The following DOLPP1 variants were observed in gnomAD, a reference collection of about 807,000 sequenced individuals.
DOLPP1 encodes the protein dolichyl pyrophosphate phosphatase 1.
A neutral mutation model predicts 34.1 loss-of-function variants in DOLPP1; 15 were observed. The ratio of observed to expected loss-of-function variants is 0.44; its 90% CI spans 0.29 to 0.68. The LOEUF (loss-of-function observed/expected upper bound fraction) is 0.68, where lower values mean the gene tolerates loss of function less well. Ranked by LOEUF, DOLPP1 falls within the 30% of genes least tolerant of loss-of-function variation. The pLI is 0.12. For synonymous variants in DOLPP1, 130 were observed against 128.2 expected, an observed-to-expected ratio of 1.01 and a Z score of -0.10; for missense variants, 249 against 307.1, an observed-to-expected ratio of 0.81 and a Z score of 1.41.
Position 129,089,321 on chromosome 9 carries a change from C to T in DOLPP1, c.*314C>T, listed in dbSNP as rs1847052676. 2.2e-5 allele frequency: 7 copies of T among 315,150 alleles called. No individual in the cohort carries two copies. The South Asian group carries it at 2.3e-4, about 10-fold the overall frequency. The allele number at this position is 315,150 out of a possible 1,614,324, so 19.5% of individuals were successfully genotyped here. A position where few individuals can be genotyped will look rare whatever the true frequency, so the allele number is the denominator to read the frequency against. Reference sequence around the variant, plus strand: ...GGGTGTGGGGTGGAGGAGGAGGGCTCGCGCCTCTGGTCTCGGGGCCAGGAA... The same window carrying T: ...GGGTGTGGGGTGGAGGAGGAGGGCTTGCGCCTCTGGTCTCGGGGCCAGGAA... On this transcript the variant is annotated 3_prime_UTR_variant, in exon 8 of 8. Coordinates refer to ENST00000372546, the MANE Select transcript of DOLPP1 (RefSeq NM_020438.5). This position sits in a 1 kb window ranked among gnomAD's most constrained non-coding sequence, Gnocchi z 4.9.
At chr9:129,082,974 G>A (rs1846918408) in intron 1 of DOLPP1, among the ~76,000 whole-genome samples, 1 of 152,190 alleles carries the variant, frequency 6.6e-6, no homozygotes, top group Non-Finnish European at 1.5e-5. Flanking sequence ...ACTGTGGTGG[G>A]TTCTTAGTTG....
intron 1 of DOLPP1, 146 bp from the exon 2 acceptor site, chr9:129,084,522 G>A (rs1053904882): frequency 1.7e-5 from 12 of 723,448 alleles, no homozygotes; most frequent in South Asian, 6.1e-5. Flanking sequence ...ACAATCGGCC[G>A]GTAAACAGGT....
Position 129,085,101 on chromosome 9 carries a change from T to A in DOLPP1, c.256T>A (p.Cys86Ser). The A allele has an allele frequency of 6.3e-7, 1 of 1,599,348 alleles. No homozygotes were observed. Among genetic ancestry groups the A allele is most frequent in the Non-Finnish European group, 8.5e-7 (1 of 1,172,432 alleles). ...IKNVIQEPRP[C>S]GGPHTAVGTK... ...AAACGTCATCCAGGAGCCACGGCCC[T>A]GTGGAGGTAGGGCCTCAGCTGCGAG... The change falls in exon 3 of 8, where the codon TGT becomes AGT. Residue 86 changes from cysteine (C) to serine (S), a missense_variant. Cys to Ser is a moderately radical substitution (Grantham distance 112). Coordinates refer to ENST00000372546, the MANE Select transcript of DOLPP1 (RefSeq NM_020438.5). This position sits in a 1 kb window ranked among gnomAD's most constrained non-coding sequence, Gnocchi z 7.0.
chr9:129,087,441 G>C (rs1162575792), intron 7 of DOLPP1, among the ~76,000 whole-genome samples: 2 of 150,468 alleles, frequency 1.3e-5, no homozygotes, highest in South Asian at 4.2e-4. Flanking sequence ...TCAGCCTCCC[G>C]AGTAGCTGGG....
At chr9:129,088,903 G>A in intron 7 of DOLPP1, 68 bp from the exon 8 acceptor site, 1 of 1,528,014 alleles carries the variant, frequency 6.5e-7, no homozygotes, top group Non-Finnish European at 9.0e-7. Flanking sequence ...ACTACGGGTG[G>A]GGTGGGGACA....
chr9:129,081,281 G>A lies in DOLPP1; in HGVS notation c.76+74G>A, dbSNP rs570734627. 1.3e-5 allele frequency: 21 copies of A among 1,566,350 alleles called. No homozygotes were observed. The South Asian group carries it at 2.4e-4, about 18-fold the overall frequency. On this transcript the variant is annotated intron_variant, in intron 1 of 7. Transcript: ENST00000372546. Reference sequence around the variant, plus strand: ...CAGTCCCGGGCGCTCCGGCCTGCTCGAGCCCGCGGAGGGGGCGCCGGGGGA... The same window carrying A: ...CAGTCCCGGGCGCTCCGGCCTGCTCAAGCCCGCGGAGGGGGCGCCGGGGGA...
At position 129,084,733 on chromosome 9, in the gene DOLPP1, G is replaced by A. The variant is rs370048908; in HGVS notation, c.142G>A (p.Val48Met). 1.9e-5 allele frequency: 30 copies of A among 1,613,732 alleles called. No homozygotes were observed. Among genetic ancestry groups the A allele is most frequent in the African/African-American group, 1.5e-4 (11 of 74,896 alleles). ...CCCTGTATTTGTCATCGTCGGTTTC[G>A]TGACCCTCATCATATTTAAGCGGGA... Reference protein sequence around the residue: ...LSPVFVIVGFVTLIIFKRELH... With the variant: ...LSPVFVIVGFMTLIIFKRELH... The change falls in exon 2 of 8, where the codon GTG (valine) becomes ATG (methionine). Residue 48 changes from valine (V) to methionine (M), a missense_variant. By Grantham distance (21) the Val-to-Met change is conservative. Transcript: ENST00000372546.
At chr9:129,086,596 C>A in intron 6 of DOLPP1, 113 bp from the exon 7 acceptor site, 1 of 1,131,616 alleles carries the variant, frequency 8.8e-7, no homozygotes, top group Non-Finnish European at 1.3e-6. Flanking sequence ...GGCAAAGACT[C>A]TAGGCAGTCG....
intron 1 of DOLPP1, among the ~76,000 whole-genome samples, chr9:129,082,696 T>C (rs963387524): frequency 3.3e-5 from 5 of 152,170 alleles, no homozygotes; most frequent in African/African-American, 1.2e-4. Flanking sequence ...TATTAATGCT[T>C]CCATGGTTCC....
In DOLPP1 at chr9:129,085,392, C is replaced by A. The variant is rs1426965117; in HGVS notation, c.362+86C>A. On this transcript the variant is annotated intron_variant, in intron 4 of 7. Coordinates refer to ENST00000372546, the MANE Select transcript of DOLPP1 (RefSeq NM_020438.5). This position sits in a 1 kb window ranked among gnomAD's most constrained non-coding sequence, Gnocchi z 7.0. ...CTCACTGCTAGCCCTTTGGATGCCCCTGGGGTGGGAGGGGCTGCAGCGGAG... is the reference window on the plus strand; with the variant it reads ...CTCACTGCTAGCCCTTTGGATGCCCATGGGGTGGGAGGGGCTGCAGCGGAG... 3 of 1,531,286 alleles carry A rather than the reference C, an allele frequency of 2.0e-6. No individual in the cohort carries two copies. Among genetic ancestry groups the A allele is most frequent in the Admixed American group, 1.7e-5 (1 of 59,614 alleles). The allele number at this position is 1,531,286 out of a possible 1,614,324, so 94.9% of individuals were successfully genotyped here.
rs1847052518 is a variant in DOLPP1 at position 129,089,311 on chromosome 9, G to A, written c.*304G>A. ...ATGGGCACCTGGGTGTGGGGTGGAG[G>A]AGGAGGGCTCGCGCCTCTGGTCTCG... On this transcript the variant is annotated 3_prime_UTR_variant, in exon 8 of 8. Transcript: ENST00000372546. The surrounding 1 kb of genome is among the most constrained non-coding windows in gnomAD (Gnocchi z 4.9). 8.5e-6 allele frequency: 3 copies of A among 352,892 alleles called. No individual in the cohort carries two copies. The highest frequency in any genetic ancestry group is 8.1e-5 in the Admixed American group (2 of 24,788). 21.9% of individuals were successfully genotyped at this position (352,892 alleles called of 1,614,324 possible). A position where few individuals can be genotyped will look rare whatever the true frequency, so the allele number is the denominator to read the frequency against.
intron 7 of DOLPP1, among the ~76,000 whole-genome samples, chr9:129,087,112 G>A (rs1009292075): frequency 1.3e-5 from 2 of 152,154 alleles, no homozygotes; most frequent in Non-Finnish European, 2.9e-5. Flanking sequence ...CAGGGCTCCT[G>A]TGTGTGGACA....
intron 5 of DOLPP1, 29 bp from the exon 6 acceptor site, chr9:129,086,110 C>T (rs2131416799): frequency 1.2e-6 from 2 of 1,609,704 alleles, no homozygotes; most frequent in Non-Finnish European, 1.7e-6. Flanking sequence ...GACTGGCTCT[C>T]ACATACTTCG....
chr9:129,081,461 G>C (rs1396770229), intron 1 of DOLPP1, among the ~76,000 whole-genome samples: 1 of 152,160 alleles, frequency 6.6e-6, no homozygotes, highest in Non-Finnish European at 1.5e-5. Context: ...CCCGGGTCCC[G>C]GGGCGCCGGT....
rs1847049245 is a variant in DOLPP1 at position 129,089,150 on chromosome 9, T to C, written c.*143T>C. Reference sequence around the variant, plus strand: ...AGCCTTTTTTTTTCTTATTTTAATTTTAATGAACAAGGTGGACCAAAGGGC... The same window carrying C: ...AGCCTTTTTTTTTCTTATTTTAATTCTAATGAACAAGGTGGACCAAAGGGC... On this transcript the variant is annotated 3_prime_UTR_variant, in exon 8 of 8. Coordinates refer to ENST00000372546, the MANE Select transcript of DOLPP1 (RefSeq NM_020438.5). The surrounding 1 kb of genome is among the most constrained non-coding windows in gnomAD (Gnocchi z 4.9). 2.5e-6 allele frequency: 2 copies of C among 791,302 alleles called. No homozygotes were observed. Among genetic ancestry groups the C allele is most frequent in the African/African-American group, 1.7e-5 (1 of 57,596 alleles). The allele number at this position is 791,302 out of a possible 1,614,324, so 49.0% of individuals were successfully genotyped here. A position where few individuals can be genotyped will look rare whatever the true frequency, so the allele number is the denominator to read the frequency against.
Position 129,084,835 on chromosome 9 carries a change from C to T in DOLPP1, c.177+67C>T, listed in dbSNP as rs529292540. 1,165 of 1,319,904 alleles carry T rather than the reference C, an allele frequency of 8.8e-4. 1 individual carries two copies. The highest frequency in any genetic ancestry group is 1.1e-3 in the Non-Finnish European group (1,040 of 925,804). The allele number at this position is 1,319,904 out of a possible 1,614,324, so 81.8% of individuals were successfully genotyped here. On this transcript the variant is annotated intron_variant, in intron 2 of 7. Transcript: ENST00000372546. ...TGCCCCCACCCTGCTTTGGGAAGCC[C>T]GTCCGCCCCTCAGTCCAGGGTTCTC...
chr9:129,085,058 G>C lies in DOLPP1; in HGVS notation c.213G>C (p.Gly71=), dbSNP rs755073143. 1 of 1,588,040 alleles carries C rather than the reference G, an allele frequency of 6.3e-7. No homozygotes were observed. ...TTGGGGGCCTGGCACTGAACGAGGG[G>C]GTCAACTGGCTGATCAAAAACGTCA... is the stretch of plus-strand genomic sequence containing the variant. The part of the protein sequence containing the change: ...SFLGGLALNE[G]VNWLIKNVIQ... Residue 71 remains glycine, a synonymous_variant, in exon 3 of 8, where the codon GGG becomes GGC. Transcript: ENST00000372546. This position sits in a 1 kb window ranked among gnomAD's most constrained non-coding sequence, Gnocchi z 7.0.
chr9:129,084,863 C>T (rs188989695), intron 2 of DOLPP1, 95 bp downstream of exon 2: 3 of 1,037,704 alleles, frequency 2.9e-6, no homozygotes, highest in East Asian at 8.6e-5. Context: ...GGGTTCTCAT[C>T]CCTGCGTCCA....
chr9:129,082,311 C>T (rs1030335559), intron 1 of DOLPP1, among the ~76,000 whole-genome samples: 1 of 152,198 alleles, frequency 6.6e-6, no homozygotes, highest in African/African-American at 2.4e-5. Context: ...CTGCCAGGTC[C>T]TGGGCCCTGC....
Sources: allele counts gnomAD v4.1 joint callset (sites outside exome capture counted in the v4.1 genomes callset), GRCh38; gene constraint gnomAD v4.1.1; non-coding constraint Gnocchi (gnomAD v3.1); transcripts MANE v1.5; gene names NCBI Gene and HGNC (gene_info 2026-07-23, HGNC 2026-07-21).